ABCA13: variants seen among roughly 807,000 people sequenced by gnomAD.
ABCA13 encodes ATP binding cassette subfamily A member 13.
Under a neutral mutation model 478.7 loss-of-function variants are expected in ABCA13, and 476 were observed. The observed-to-expected ratio is 0.99, with a 90% confidence interval of 0.92 to 1.07. The LOEUF is 1.07. ABCA13 is among the 50% of genes least tolerant of loss of function. ABCA13 has a pLI of 0.00. For synonymous variants in ABCA13, 2,252 were observed against 2,158.9 expected (o/e 1.04, Z -1.20); for missense variants, 6,060 against 5,910.6 (o/e 1.03, Z -0.83).
intron 56 of ABCA13, among the ~76,000 whole-genome samples, chr7:48,585,224 T>C (rs1390129404): frequency 6.6e-6 from 1 of 152,248 alleles, no homozygotes; most frequent in Non-Finnish European, 1.5e-5. Context: ...ATTTTAAAAT[T>C]CACTTAAGTG....
At chr7:48,438,572 CT>C (rs35140370) in intron 42 of ABCA13, among the ~76,000 whole-genome samples, 2,272 of 147,334 alleles carry the variant, frequency 0.015, 48 homozygotes, top group African/African-American at 0.052. Flanking sequence ...CATACTCAGC[CT>C]TTTTTTTTTT....
chr7:48,589,647 G>A (rs746802921), intron 57 of ABCA13, among the ~76,000 whole-genome samples: 4 of 152,014 alleles, frequency 2.6e-5, no homozygotes, highest in Admixed American at 6.6e-5. Context: ...CCCTCTCTTA[G>A]TTCACTGTGC....
chr7:48,230,191 A>T (rs747822603), intron 7 of ABCA13, among the ~76,000 whole-genome samples: 1 of 152,228 alleles, frequency 6.6e-6, no homozygotes, highest in Non-Finnish European at 1.5e-5. Flanking sequence ...AATATAAATG[A>T]TATTTTTAAG....
chr7:48,368,075 T>G (rs1811967088), intron 32 of ABCA13, among the ~76,000 whole-genome samples, 167 bp downstream of exon 32: 1 of 152,122 alleles, frequency 6.6e-6, no homozygotes, highest in South Asian at 2.1e-4. Context: ...AAGAAGATTT[T>G]ATGTTGAAGT....
intron 32 of ABCA13, among the ~76,000 whole-genome samples, chr7:48,368,862 C>T (rs536114486): frequency 6.0e-5 from 9 of 151,188 alleles, no homozygotes; most frequent in South Asian, 4.2e-4. Flanking sequence ...TTTGTAATTG[C>T]GAATTGTGCT....
chr7:48,405,551 G>A (rs934171415), intron 39 of ABCA13, among the ~76,000 whole-genome samples: 5 of 152,198 alleles, frequency 3.3e-5, no homozygotes, highest in Admixed American at 2.0e-4. Context: ...AACAATTTGC[G>A]CACTACCCTG....
chr7:48,249,092 C>A, intron 14 of ABCA13, 120 bp from the exon 15 acceptor site: 3 of 784,276 alleles, frequency 3.8e-6, no homozygotes, highest in Admixed American at 3.4e-5. Context: ...ATTCTATTTC[C>A]TTACATAAGT....
intron 42 of ABCA13, among the ~76,000 whole-genome samples, chr7:48,435,299 T>G (rs965868724): frequency 1.4e-4 from 21 of 151,868 alleles, no homozygotes; most frequent in African/African-American, 4.8e-4. Context: ...ATTTCTGTTT[T>G]CAGATTGTTC....
At chr7:48,475,166 G>C (rs1563318544) in intron 45 of ABCA13, among the ~76,000 whole-genome samples, 1 of 152,188 alleles carries the variant, frequency 6.6e-6, no homozygotes, top group Non-Finnish European at 1.5e-5. Context: ...TGCACTTTGA[G>C]AAATGTTGGA....
intron 38 of ABCA13, among the ~76,000 whole-genome samples, chr7:48,402,581 G>A (rs1261521196): frequency 6.6e-6 from 1 of 152,218 alleles, no homozygotes; most frequent in Non-Finnish European, 1.5e-5. Flanking sequence ...TGCACAGAGT[G>A]AACACTAAAC....
chr7:48,309,845 T>A, intron 23 of ABCA13, 102 bp from the exon 24 acceptor site: 1 of 1,357,128 alleles, frequency 7.4e-7, no homozygotes, highest in Non-Finnish European at 1.0e-6. Context: ...AGTTGGGAAA[T>A]CCACTCTTGG....
intron 27 of ABCA13, among the ~76,000 whole-genome samples, chr7:48,321,253 C>A (rs988561868): frequency 6.6e-6 from 1 of 152,286 alleles, no homozygotes; most frequent in Admixed American, 6.5e-5. Context: ...CCCCCACCCC[C>A]AAACAAATAA....
At chr7:48,437,979 C>A (rs982459356) in intron 42 of ABCA13, among the ~76,000 whole-genome samples, 2 of 152,092 alleles carry the variant, frequency 1.3e-5, no homozygotes, top group Non-Finnish European at 2.9e-5. Context: ...TATCTATAAT[C>A]TTTTGCCTCA....
rs1368179415 is a variant in ABCA13 at position 48,647,328 on chromosome 7, A to G, written c.*1816A>G. On this transcript the variant is annotated 3_prime_UTR_variant, in exon 62 of 62. Coordinates refer to ENST00000435803, the MANE Select transcript of ABCA13 (RefSeq NM_152701.5). ...TCACATGAATTACACTTCCTTAAAT[A>G]AATTACAGTTTATGGCTGTATGATT... 25 of 152,228 alleles carry G rather than the reference A, an allele frequency of 1.6e-4. No homozygotes were observed. The highest frequency in any genetic ancestry group is 1.6e-3 in the Admixed American group (25 of 15,284). 9.4% of individuals were successfully genotyped at this position (152,228 alleles called of 1,614,324 possible). A position where few individuals can be genotyped will look rare whatever the true frequency, so the allele number is the denominator to read the frequency against.
chr7:48,579,413 C>T (rs542862368), intron 55 of ABCA13, among the ~76,000 whole-genome samples: 1 of 152,256 alleles, frequency 6.6e-6, no homozygotes, highest in Non-Finnish European at 1.5e-5. Flanking sequence ...ATAAAAGCAA[C>T]AATGCAATGC....
intron 38 of ABCA13, among the ~76,000 whole-genome samples, chr7:48,392,979 T>C (rs1036045629): frequency 1.3e-5 from 2 of 152,120 alleles, no homozygotes; most frequent in Non-Finnish European, 2.9e-5. Context: ...AAGGAAGATC[T>C]AGAGTTGAGA....
At chr7:48,641,201 A>T (rs1434889987) in intron 59 of ABCA13, among the ~76,000 whole-genome samples, 1 of 152,192 alleles carries the variant, frequency 6.6e-6, no homozygotes, top group African/African-American at 2.4e-5. Context: ...TAATGGTAAA[A>T]ATGGATCCTA....
intron 22 of ABCA13, 40 bp downstream of exon 22, chr7:48,297,351 A>G (rs1188006533): frequency 6.6e-7 from 1 of 1,514,104 alleles, no homozygotes; most frequent in East Asian, 2.4e-5. Flanking sequence ...ATTAAAAATT[A>G]AATTTAGTTT....
At chr7:48,629,646 A>G (rs910191850) in intron 59 of ABCA13, among the ~76,000 whole-genome samples, 1 of 149,212 alleles carries the variant, frequency 6.7e-6, no homozygotes, top group Non-Finnish European at 1.5e-5. Context: ...ATTTGCCCTC[A>G]AGAGCCTGCA....
Sources: gnomAD v4.1 joint callset for allele counts (sites outside exome capture counted in the v4.1 genomes callset) on GRCh38, gnomAD v4.1.1 for gene constraint, MANE v1.5 for transcripts, NCBI Gene and HGNC (gene_info 2026-07-23, HGNC 2026-07-21) for gene names.